Variants in NAV3 observed in about 807,000 individuals in gnomAD.
The protein encoded by NAV3 is neuron navigator 3, also known as pore membrane and/or filament interacting like protein 1.
NAV3 carries 87 observed loss-of-function variants against 244.7 expected under a neutral mutation model. The ratio of observed to expected loss-of-function variants is 0.36; its 90% confidence interval spans 0.30 to 0.42. NAV3 has a LOEUF of 0.42. Ranked by LOEUF, NAV3 falls within the 20% of genes least tolerant of loss-of-function variation. The probability of loss-of-function intolerance (pLI) is 1.00; values close to 1 mark genes in which losing one functional copy is unlikely to be tolerated. For missense variants in NAV3, 2,663 were observed against 2,893.3 expected (o/e 0.92, Z 1.83); for synonymous variants, 1,126 against 1,042.2 (o/e 1.08, Z -1.55).
intron 3 of NAV3, among the ~76,000 whole-genome samples, chr12:77,955,988 GT>G (rs1891322807): frequency 2.0e-5 from 3 of 152,270 alleles, no homozygotes; most frequent in African/African-American, 7.2e-5. Context: ...TCCCTTGCCT[GT>G]AAAACTATAT....
At chr12:77,830,661 A>G (rs1289974760), upstream of NAV3, among the ~76,000 whole-genome samples, 1 of 152,200 alleles carries the variant, frequency 6.6e-6, no homozygotes, top group Non-Finnish European at 1.5e-5. Flanking sequence ...CTATTGCATG[A>G]TTTTAGCCTG....
chr12:78,065,828 T>C (rs1161111326), intron 12 of NAV3, among the ~76,000 whole-genome samples: 2 of 152,126 alleles, frequency 1.3e-5, no homozygotes, highest in Non-Finnish European at 2.9e-5. Context: ...GCTGATTTGC[T>C]CTGTTTTGTT....
intron 2 of NAV3, among the ~76,000 whole-genome samples, chr12:77,758,190 T>A (rs1869279630): frequency 6.6e-6 from 1 of 152,220 alleles, no homozygotes; most frequent in Admixed American, 6.5e-5. Context: ...AAGATATAAA[T>A]CTTTTCATCA....
chr12:77,804,742 A>T (rs1019972742), intron 2 of NAV3, among the ~76,000 whole-genome samples: 1 of 151,942 alleles, frequency 6.6e-6, no homozygotes, highest in Non-Finnish European at 1.5e-5. Flanking sequence ...GATAGCATTT[A>T]ATCTCTAAAT....
At chr12:77,612,784 A>C (rs1309223982) in intron 2 of NAV3, among the ~76,000 whole-genome samples, 1 of 152,082 alleles carries the variant, frequency 6.6e-6, no homozygotes, top group East Asian at 1.9e-4. Context: ...TCCCCACCCA[A>C]ATCTCATCTT....
intron 3 of NAV3, among the ~76,000 whole-genome samples, chr12:77,960,880 G>T (rs1365159114): frequency 6.9e-6 from 1 of 144,888 alleles, no homozygotes; most frequent in Admixed American, 7.0e-5. Context: ...ATAATATATT[G>T]ATATTTAATA....
chr12:77,820,687 A>G (rs1385983227), intron 2 of NAV3, among the ~76,000 whole-genome samples: 1 of 152,120 alleles, frequency 6.6e-6, no homozygotes, highest in Non-Finnish European at 1.5e-5. Context: ...GGAAGATCGC[A>G]CACTCTACCA....
In NAV3 at chr12:77,776,083, G is replaced by C. The variant is rs1172937614; in HGVS notation, c.73-164236G>C. On this transcript the variant is annotated intron_variant, in intron 2 of 8. Transcript: ENST00000550042. Reference sequence around the variant, plus strand: ...TTAAGTATTGGGGAAGGCACAACCTGCTGGACCATTCATAGAAGCCCAATT... The same window carrying C: ...TTAAGTATTGGGGAAGGCACAACCTCCTGGACCATTCATAGAAGCCCAATT... Among the ~76,000 whole-genome samples the C allele has an allele frequency of 2.0e-5, 3 of 152,136 alleles. No individual in the cohort carries two copies. The East Asian group carries it at 5.8e-4, about 29-fold the overall frequency.
chr12:77,632,343 A>G (rs552889112), intron 2 of NAV3, among the ~76,000 whole-genome samples: 1 of 152,310 alleles, frequency 6.6e-6, no homozygotes, highest in East Asian at 1.9e-4. Context: ...GAAGAAAAAG[A>G]GGTTTAATGG....
chr12:78,162,861 CA>C (rs200929916), intron 23 of NAV3, among the ~76,000 whole-genome samples: 43,847 of 119,564 alleles, frequency 0.37, 7,208 homozygotes, highest in Middle Eastern at 0.49. Flanking sequence ...GACTCTGTCT[CA>C]AAAAAAAATA....
intron 2 of NAV3, among the ~76,000 whole-genome samples, chr12:77,698,906 C>G (rs1875434478): frequency 6.6e-6 from 1 of 152,074 alleles, no homozygotes; most frequent in South Asian, 2.1e-4. Context: ...TTATTGTTTA[C>G]TGTTTGTCCT....
At chr12:77,899,294 T>C (rs1884984249) in intron 1 of NAV3, among the ~76,000 whole-genome samples, 1 of 152,202 alleles carries the variant, frequency 6.6e-6, no homozygotes, top group South Asian at 2.1e-4. Context: ...TAAAATGCTA[T>C]CCAACAGCAT....
At chr12:77,735,469 G>A (rs911062005) in intron 2 of NAV3, among the ~76,000 whole-genome samples, 2 of 151,998 alleles carry the variant, frequency 1.3e-5, no homozygotes, top group African/African-American at 4.8e-5. Context: ...TTAAAGATAA[G>A]AAGAAAAAGG....
chr12:77,741,169 A>AAAAAAAAAAAAAAAAAAAAAAAAAAAAC (rs1868328036), intron 2 of NAV3, among the ~76,000 whole-genome samples: 1 of 148,252 alleles, frequency 6.7e-6, no homozygotes, highest in Non-Finnish European at 1.5e-5. Context: ...AAAAAAAAGA[A>AAAAAAAAAAAAAAAAAAAAAAAAAAAAC]AAGAAAGAAA....
chr12:78,080,588 A>G (rs563621796), intron 12 of NAV3, among the ~76,000 whole-genome samples: 267 of 152,236 alleles, frequency 1.8e-3, no homozygotes, highest in Non-Finnish European at 3.3e-3. Flanking sequence ...TTTAGACTTT[A>G]CTTTTTCCCA....
intron 1 of NAV3, among the ~76,000 whole-genome samples, chr12:77,873,773 T>TATATATATATATATATATATA (rs762527287): frequency 1.6e-5 from 2 of 128,624 alleles, no homozygotes; most frequent in African/African-American, 5.8e-5. Context: ...TATATGTATA[T>TATATATATATATATATATATA]AACAGCATAT....
At chr12:77,888,024 G>GT (rs1555223631) in intron 1 of NAV3, among the ~76,000 whole-genome samples, 1 of 148,462 alleles carries the variant, frequency 6.7e-6, no homozygotes. Context: ...AAGTTGTTGA[G>GT]TTTTTTTTTT....
chr12:77,650,911 C>G (rs1872792385), intron 2 of NAV3, among the ~76,000 whole-genome samples: 1 of 152,048 alleles, frequency 6.6e-6, no homozygotes, highest in African/African-American at 2.4e-5. Flanking sequence ...TCAAAGCTCT[C>G]TACCTTGCTT....
chr12:78,098,540 A>G lies in NAV3; in HGVS notation c.2637-18232A>G, dbSNP rs144875839. 2.4e-3 allele frequency among the ~76,000 whole-genome samples: 358 copies of G among 152,036 alleles called. 2 individuals carry two copies. The highest frequency in any genetic ancestry group is 7.8e-3 in the African/African-American group (324 of 41,560). Reference sequence around the variant, plus strand: ...AAACCTTACCATAAAAATGGAATATAAAAGAAGGAAGAGGAGGAGAAATCA... The same window carrying G: ...AAACCTTACCATAAAAATGGAATATGAAAGAAGGAAGAGGAGGAGAAATCA... On this transcript the variant is annotated intron_variant, in intron 12 of 39. Coordinates refer to ENST00000397909, the MANE Select transcript of NAV3 (RefSeq NM_001024383.2).
Sources: allele counts gnomAD v4.1 joint callset (sites outside exome capture counted in the v4.1 genomes callset), GRCh38; gene constraint gnomAD v4.1.1; transcripts MANE v1.5; gene names NCBI Gene and HGNC (gene_info 2026-07-23, HGNC 2026-07-21).